JAK3: variants seen among roughly 807,000 people sequenced by gnomAD.
JAK3 encodes tyrosine-protein kinase JAK3.
A neutral mutation model predicts 120.8 loss-of-function variants in JAK3; 88 were observed. That is an observed-to-expected ratio of 0.73 (90% CI 0.61 to 0.87). The LOEUF is 0.87. JAK3 is among the 40% of genes least tolerant of loss of function. The pLI is 0.00. For missense variants in JAK3, 1,254 were observed against 1,501.4 expected (o/e 0.84, Z 2.72); for synonymous variants, 592 against 628.6 (o/e 0.94, Z 0.87).
At chr19:17,834,742 C>A (rs778863163) in intron 16 of JAK3, 21 bp from the exon 17 acceptor site, 1 of 1,614,016 alleles carries the variant, frequency 6.2e-7, no homozygotes, top group Non-Finnish European at 8.5e-7. Flanking sequence ...GAGGAGCAGT[C>A]GGTAATCCCC....
In JAK3 at chr19:17,826,322, T is replaced by G; in HGVS notation, c.*421A>C. On this transcript the variant is annotated 3_prime_UTR_variant, in exon 24 of 24. Coordinates refer to ENST00000458235, the MANE Select transcript of JAK3 (RefSeq NM_000215.4). ...ATCGCTTGAACCTGGGAAGCAGAGG[T>G]TGCACTGAGCCGAGATCGCACCACT... 9.7e-6 allele frequency: 2 copies of G among 206,906 alleles called. No individual in the cohort carries two copies. Among genetic ancestry groups the G allele is most frequent in the Admixed American group, 5.3e-5 (1 of 18,854 alleles). 12.8% of individuals were successfully genotyped at this position (206,906 alleles called of 1,614,324 possible).
At position 17,842,220 on chromosome 19, in the gene JAK3, C is replaced by A. The variant is rs917464686; in HGVS notation, c.861+96G>T. 7.6e-7 allele frequency: 1 copy of A among 1,312,490 alleles called. No individual in the cohort carries two copies. The highest frequency in any genetic ancestry group is 1.0e-6 in the Non-Finnish European group (1 of 987,422). The allele number at this position is 1,312,490 out of a possible 1,614,324, so 81.3% of individuals were successfully genotyped here. ...GCCTCGCCCACTTCCCCAAGTCTTT[C>A]GTTTTGGCTCCGCCCCACATCCCCT... On this transcript the variant is annotated intron_variant, in intron 6 of 23. Transcript: ENST00000458235. This position sits in a 1 kb window ranked among gnomAD's most constrained non-coding sequence, Gnocchi z 6.4.
chr19:17,847,678 A>C, intron 1 of JAK3, among the ~76,000 whole-genome samples: 5 of 149,650 alleles, frequency 3.3e-5, no homozygotes, highest in Non-Finnish European at 3.0e-5. Context: ...CCCACCCCCA[A>C]CCCCGCAGCC....
chr19:17,830,975 G>A (rs1277289680), intron 21 of JAK3, among the ~76,000 whole-genome samples: 2 of 146,128 alleles, frequency 1.4e-5, no homozygotes, highest in African/African-American at 5.1e-5. Context: ...GGGTTCTGAA[G>A]CTTGGGCGGG....
At chr19:17,837,324 T>G in intron 12 of JAK3, 111 bp from the exon 13 acceptor site, 5 of 815,182 alleles carry the variant, frequency 6.1e-6, no homozygotes, top group Non-Finnish European at 1.0e-5. Context: ...CAGGTCACCT[T>G]TGGCCCTGGA....
At position 17,826,630 on chromosome 19, in the gene JAK3, T is replaced by C; in HGVS notation, c.*113A>G. On this transcript the variant is annotated 3_prime_UTR_variant, in exon 24 of 24. Coordinates refer to ENST00000458235, the MANE Select transcript of JAK3 (RefSeq NM_000215.4). ...CCCAAATGCAATGTCATGGGGGTGT[T>C]CCTGAAGTAGAGGACCCTCATAAGG... is the stretch of plus-strand genomic sequence containing the variant. 8.6e-7 allele frequency: 1 copy of C among 1,157,074 alleles called. No homozygotes were observed. Among genetic ancestry groups the C allele is most frequent in the Non-Finnish European group, 1.3e-6 (1 of 764,742 alleles). 71.7% of individuals were successfully genotyped at this position (1,157,074 alleles called of 1,614,324 possible).
chr19:17,832,782 C>A lies in JAK3; in HGVS notation c.2490+8G>T, dbSNP rs2147678801. On this transcript the variant is annotated splice_region_variant and intron_variant, in intron 18 of 23. Transcript: ENST00000458235. The surrounding 1 kb of genome is among the most constrained non-coding windows in gnomAD (Gnocchi z 4.7). ...CTCTCCAACCCACCCTGGCCCTGCCCACCTTACCTTGCCCAGCTGTGAGAT... is the reference window on the plus strand; with the variant it reads ...CTCTCCAACCCACCCTGGCCCTGCCAACCTTACCTTGCCCAGCTGTGAGAT... 6.2e-7 allele frequency: 1 copy of A among 1,614,278 alleles called. No homozygotes were observed. Among genetic ancestry groups the A allele is most frequent in the Admixed American group, 1.7e-5 (1 of 60,028 alleles).
At position 17,839,530 on chromosome 19, in the gene JAK3, T is replaced by A. The variant is rs2147691107; in HGVS notation, c.1388A>T (p.His463Leu). The change falls in exon 10 of 24, where the codon CAC becomes CTC. Residue 463 changes from histidine (H) to leucine (L), a missense_variant. This residue lies in a region of JAK3 where 486 missense variants were observed against 503.0 expected (regional missense o/e 0.97). Transcript: ENST00000458235. ...LLATCWDGGL[H>L]VDGVAVTLTS... ...GAGGGTCACTGCCACCCCATCTACG[T>A]GCAGCCCCCCATCCCAGCAGGTTGC... 6.2e-7 allele frequency: 1 copy of A among 1,601,966 alleles called. No individual in the cohort carries two copies. Among genetic ancestry groups the A allele is most frequent in the Non-Finnish European group, 8.5e-7 (1 of 1,174,422 alleles).
At chr19:17,834,188 A>G (rs2094219636) in intron 17 of JAK3, among the ~76,000 whole-genome samples, 1 of 152,036 alleles carries the variant, frequency 6.6e-6, no homozygotes, top group Non-Finnish European at 1.5e-5. Context: ...TATCTGCCAA[A>G]AATACAAAAA....
intron 23 of JAK3, among the ~76,000 whole-genome samples, chr19:17,827,913 A>C (rs564066972): frequency 0.017 from 2,588 of 150,756 alleles, 91 homozygotes; most frequent in African/African-American, 0.06. Context: ...AAAAAAAAAA[A>C]AACAACAAAA....
Position 17,842,413 on chromosome 19 carries a change from T to C in JAK3, c.764A>G (p.His255Arg). The C allele has an allele frequency of 6.3e-7, 1 of 1,586,416 alleles. No individual in the cohort carries two copies. Among genetic ancestry groups the C allele is most frequent in the Admixed American group, 1.8e-5 (1 of 56,764 alleles). The stretch of plus-strand genomic sequence containing the variant: ...ACCAAGGGCCCCAGGGAGGCCCACG[T>C]GGAAGGTCTCGGCGGCCCCGGCTGG... ...LDPAGAAETF[H>R]VGLPGALGGH... Residue 255 changes from histidine (H) to arginine (R), a missense_variant, in exon 6 of 24, where the codon CAC (histidine) becomes CGC (arginine). Physicochemically the swap from His to Arg is conservative, Grantham distance 29 (BLOSUM62 0). Coordinates refer to ENST00000458235, the MANE Select transcript of JAK3 (RefSeq NM_000215.4). This position sits in a 1 kb window ranked among gnomAD's most constrained non-coding sequence, Gnocchi z 6.4.
At chr19:17,835,683 T>G (rs2094222856) in intron 14 of JAK3, among the ~76,000 whole-genome samples, 1 of 152,122 alleles carries the variant, frequency 6.6e-6, no homozygotes, top group African/African-American at 2.4e-5. Context: ...AGGCCCTATC[T>G]CCAATGTTCC....
intron 12 of JAK3, among the ~76,000 whole-genome samples, chr19:17,837,603 C>T (rs1449865780): frequency 2.6e-5 from 4 of 151,708 alleles, no homozygotes; most frequent in South Asian, 2.1e-4. Flanking sequence ...TTAGTAGAGA[C>T]GGGGTTTCTC....
chr19:17,836,969 A>G, intron 13 of JAK3, 160 bp downstream of exon 13: 1 of 699,246 alleles, frequency 1.4e-6, no homozygotes. Context: ...CCAAGGAGTG[A>G]TGATGGAGAG....
At position 17,842,599 on chromosome 19, in the gene JAK3, C is replaced by T. The variant is rs1467075214; in HGVS notation, c.578G>A (p.Cys193Tyr). 7.0e-6 allele frequency: 11 copies of T among 1,577,602 alleles called. No homozygotes were observed. Among genetic ancestry groups the T allele is most frequent in the Non-Finnish European group, 9.5e-6 (11 of 1,160,280 alleles). Residue 193 changes from cysteine (C) to tyrosine (Y), a missense_variant, in exon 6 of 24, where the codon TGC (cysteine) becomes TAC (tyrosine). By Grantham distance (194) the Cys-to-Tyr change is radical. Around this residue, in one of 3 missense-constraint regions of JAK3, gnomAD observed 486 missense variants for 503.0 expected, o/e 0.97. Transcript: ENST00000458235. The surrounding 1 kb of genome is among the most constrained non-coding windows in gnomAD (Gnocchi z 6.4). ...ELLKTVSYKA[C>Y]LPPSLRDLIQ... ...CAGGTCGCGCAGGCTTGGGGGTAGG[C>T]AGGCCTTGTAGCTGCAGGGGTTGGA... is the stretch of plus-strand genomic sequence containing the variant.
chr19:17,827,034 C>A, intron 23 of JAK3, 124 bp from the exon 24 acceptor site: 1 of 1,084,324 alleles, frequency 9.2e-7, no homozygotes, highest in Non-Finnish European at 1.3e-6. Context: ...GGCTGGAGTG[C>A]AATGGCATGA....
At chr19:17,838,485 G>A in intron 10 of JAK3, 95 bp from the exon 11 acceptor site, 1 of 1,421,466 alleles carries the variant, frequency 7.0e-7, no homozygotes, top group Non-Finnish European at 9.9e-7. Context: ...GTACCCTCTA[G>A]AAGCCGACCC....
chr19:17,828,745 A>T (rs556123733), intron 23 of JAK3, among the ~76,000 whole-genome samples: 1 of 152,324 alleles, frequency 6.6e-6, no homozygotes, highest in Admixed American at 6.5e-5. Context: ...TTCAGCACCC[A>T]ACAAGTCCTG....
At chr19:17,847,510 C>G (rs1397527772) in intron 1 of JAK3, among the ~76,000 whole-genome samples, 1 of 152,126 alleles carries the variant, frequency 6.6e-6, no homozygotes, top group Non-Finnish European at 1.5e-5. Context: ...CCTTGAACTC[C>G]TGGCCTCAAG....
Sources: allele counts gnomAD v4.1 joint callset (sites outside exome capture counted in the v4.1 genomes callset), GRCh38; gene constraint gnomAD v4.1.1; regional missense constraint gnomAD v4.1.1; non-coding constraint Gnocchi (gnomAD v3.1); transcripts MANE v1.5; gene names NCBI Gene and HGNC (gene_info 2026-07-23, HGNC 2026-07-21).